MAST4: variants seen among roughly 807,000 people sequenced by gnomAD.
MAST4 encodes microtubule associated serine/threonine kinase family member 4, also known as microtubule-associated serine/threonine-protein kinase 4.
In MAST4, 89 loss-of-function variants were observed where a neutral mutation model predicts 162.7. The ratio of observed to expected loss-of-function variants is 0.55; its 90% CI spans 0.46 to 0.65. The LOEUF (loss-of-function observed/expected upper bound fraction) is 0.65, where lower values mean the gene tolerates loss of function less well. MAST4 is among the 30% of genes least tolerant of loss of function. The pLI is 0.00. For synonymous variants in MAST4, 1,479 were observed against 1,361.1 expected, an observed-to-expected ratio of 1.09 and a Z score of -1.91; for missense variants, 3,153 against 3,374.0, an observed-to-expected ratio of 0.93 and a Z score of 1.62.
At chr5:66,885,834 T>C (rs1417779879) in intron 3 of MAST4, among the ~76,000 whole-genome samples, 1 of 152,236 alleles carries the variant, frequency 6.6e-6, no homozygotes, top group African/African-American at 2.4e-5. Flanking sequence ...GAGTAATTTA[T>C]ACTTCCAAAT....
chr5:66,744,413 G>A (rs1480867344), intron 1 of MAST4, among the ~76,000 whole-genome samples: 1 of 152,106 alleles, frequency 6.6e-6, no homozygotes, highest in East Asian at 1.9e-4. Flanking sequence ...TTAATTTTTA[G>A]CATTTGTCCA....
At chr5:67,106,929 C>T (rs1765663057) in intron 10 of MAST4, among the ~76,000 whole-genome samples, 1 of 152,198 alleles carries the variant, frequency 6.6e-6, no homozygotes, top group African/African-American at 2.4e-5. Context: ...CCAAAATATT[C>T]AACCTATTAG....
chr5:66,759,376 CCTTT>C (rs1471159081), intron 1 of MAST4, among the ~76,000 whole-genome samples: 2 of 152,100 alleles, frequency 1.3e-5, no homozygotes, highest in East Asian at 1.9e-4. Flanking sequence ...CAATCCTTTC[CCTTT>C]CTTCATTGGA....
intron 1 of MAST4, among the ~76,000 whole-genome samples, chr5:66,667,588 T>G (rs1182902554): frequency 6.6e-6 from 1 of 152,226 alleles, no homozygotes; most frequent in African/African-American, 2.4e-5. Context: ...GAGTCATAGT[T>G]GGTCGCCAAT....
At chr5:67,018,277 G>A (rs146774449) in intron 4 of MAST4, among the ~76,000 whole-genome samples, 2 of 152,302 alleles carry the variant, frequency 1.3e-5, no homozygotes, top group East Asian at 3.9e-4. Flanking sequence ...GCTTATGCCT[G>A]TAATTCCAGC....
intron 4 of MAST4, among the ~76,000 whole-genome samples, chr5:66,943,442 A>AT (rs1045851999): frequency 6.6e-6 from 1 of 151,958 alleles, no homozygotes; most frequent in Non-Finnish European, 1.5e-5. Flanking sequence ...TATAAAGTTA[A>AT]TTTTTTTTAA....
chr5:66,757,424 C>T (rs907282298), intron 1 of MAST4, among the ~76,000 whole-genome samples: 11 of 152,156 alleles, frequency 7.2e-5, no homozygotes, highest in Non-Finnish European at 1.6e-4. Flanking sequence ...ACATTGCCAC[C>T]TTGTGGCTGC....
Position 66,620,497 on chromosome 5 carries a change from C to A in MAST4, c.363+23479C>A, listed in dbSNP as rs573396151. ...CGTTAATAATGGCATTGAACCCTAA[C>A]TGATAGCCTTTAAAAAAAACAACAA... On this transcript the variant is annotated intron_variant, in intron 1 of 28. Transcript: ENST00000403625. Among the ~76,000 whole-genome samples the A allele has an allele frequency of 6.6e-5, 10 of 152,138 alleles. 1 individual carries two copies. The highest frequency in any genetic ancestry group is 2.4e-4 in the African/African-American group (10 of 41,528).
At chr5:66,805,470 C>T (rs146188947) in intron 3 of MAST4, among the ~76,000 whole-genome samples, 1 of 152,294 alleles carries the variant, frequency 6.6e-6, no homozygotes, top group East Asian at 1.9e-4. Flanking sequence ...CCCATTTTAG[C>T]ATTTTTATAT....
chr5:66,599,963 ATT>A (rs1340854449), intron 1 of MAST4, among the ~76,000 whole-genome samples: 2 of 151,810 alleles, frequency 1.3e-5, no homozygotes, highest in Non-Finnish European at 2.9e-5. Flanking sequence ...ATTGTATCAA[ATT>A]TTGAAAAGCA....
intron 3 of MAST4, among the ~76,000 whole-genome samples, chr5:66,832,363 T>A (rs937479429): frequency 4.6e-5 from 7 of 152,032 alleles, no homozygotes; most frequent in African/African-American, 1.7e-4. Context: ...GATCTGTGAG[T>A]GTGTTTAGGT....
At chr5:66,986,121 A>G (rs918484330) in intron 4 of MAST4, among the ~76,000 whole-genome samples, 1 of 152,172 alleles carries the variant, frequency 6.6e-6, no homozygotes. Context: ...GTCTAATTCC[A>G]TTTCACCAGG....
At chr5:66,661,275 G>A (rs1278140591) in intron 1 of MAST4, among the ~76,000 whole-genome samples, 1 of 152,066 alleles carries the variant, frequency 6.6e-6, no homozygotes, top group Non-Finnish European at 1.5e-5. Flanking sequence ...AGTCATCCTT[G>A]GCATGTGTGT....
At chr5:66,808,429 G>T (rs925223455) in intron 3 of MAST4, among the ~76,000 whole-genome samples, 4 of 151,444 alleles carry the variant, frequency 2.6e-5, no homozygotes, top group Non-Finnish European at 4.4e-5. Flanking sequence ...ACTAAATTAG[G>T]TTTTTTTTTG....
At chr5:67,015,643 C>G (rs1753199333) in intron 4 of MAST4, among the ~76,000 whole-genome samples, 2 of 152,148 alleles carry the variant, frequency 1.3e-5, no homozygotes, top group Admixed American at 1.3e-4. Context: ...CTATATATCT[C>G]CACTTTCAGT....
intron 3 of MAST4, among the ~76,000 whole-genome samples, chr5:66,818,531 G>A (rs191729011): frequency 1.3e-5 from 2 of 152,018 alleles, no homozygotes; most frequent in African/African-American, 4.8e-5. Context: ...TACAAATACT[G>A]TGTCCTCAGG....
At chr5:66,878,035 A>C (rs773060911) in intron 3 of MAST4, among the ~76,000 whole-genome samples, 1 of 152,240 alleles carries the variant, frequency 6.6e-6, no homozygotes, top group Non-Finnish European at 1.5e-5. Context: ...CTCATGAAGG[A>C]AAGTGGAAAA....
intron 3 of MAST4, among the ~76,000 whole-genome samples, chr5:66,854,222 A>T (rs1056322827): frequency 1.3e-5 from 2 of 152,170 alleles, no homozygotes; most frequent in East Asian, 3.8e-4. Flanking sequence ...TTATTGAATG[A>T]GTATGTGAAA....
chr5:66,737,867 G>GA (rs397972706), intron 1 of MAST4, among the ~76,000 whole-genome samples: 8 of 152,138 alleles, frequency 5.3e-5, no homozygotes, highest in Non-Finnish European at 1.2e-4. Context: ...GATGAGGAAA[G>GA]AAAAAACCAA....
Sources: allele counts gnomAD v4.1 joint callset (sites outside exome capture counted in the v4.1 genomes callset), GRCh38; gene constraint gnomAD v4.1.1; transcripts MANE v1.5; gene names NCBI Gene and HGNC (gene_info 2026-07-23, HGNC 2026-07-21).